SUGCT: variants seen among roughly 807,000 people sequenced by gnomAD.
SUGCT encodes the protein succinyl-CoA:glutarate-CoA transferase.
SUGCT carries 41 observed loss-of-function variants against 55.0 expected under a neutral mutation model. The observed-to-expected ratio is 0.74, with a 90% CI of 0.58 to 0.97. The LOEUF is 0.97. Ranked by LOEUF, SUGCT falls within the 50% of genes least tolerant of loss-of-function variation. The pLI is 0.00. For synonymous variants in SUGCT, 187 were observed against 200.4 expected (o/e 0.93, Z 0.56); for missense variants, 568 against 547.8 (o/e 1.04, Z -0.37).
chr7:40,703,419 A>C (rs1785255238), intron 12 of SUGCT, among the ~76,000 whole-genome samples: 1 of 152,060 alleles, frequency 6.6e-6, no homozygotes. Context: ...TCCCCACAGA[A>C]TGTGATTCTT....
At chr7:40,293,863 G>A (rs574189185) in intron 8 of SUGCT, among the ~76,000 whole-genome samples, 10 of 152,210 alleles carry the variant, frequency 6.6e-5, no homozygotes, top group African/African-American at 2.4e-4. Flanking sequence ...GCTTGTCTGG[G>A]GGATAGTTCT....
At chr7:40,275,828 A>G (rs1426316126) in intron 8 of SUGCT, among the ~76,000 whole-genome samples, 1 of 152,208 alleles carries the variant, frequency 6.6e-6, no homozygotes, top group Non-Finnish European at 1.5e-5. Flanking sequence ...CTCACTGTCA[A>G]AATGACATTT....
rs376429175 is a variant in SUGCT at position 40,194,120 on chromosome 7, G to C, written c.364-820G>C. ...AGCCTGAAGAAAAAAAACTCCAGTG[G>C]TTCTTAAATACATTTAAAACTCTTT... On this transcript the variant is annotated intron_variant, in intron 5 of 13. Coordinates refer to ENST00000335693, the MANE Select transcript of SUGCT (RefSeq NM_001193313.2). Among the ~76,000 whole-genome samples, 7 of 152,232 alleles carry C rather than the reference G, an allele frequency of 4.6e-5. 1 individual carries two copies. The East Asian group carries it at 1.3e-3, about 29-fold the overall frequency.
At chr7:40,458,873 G>T (rs1203517678) in intron 10 of SUGCT, among the ~76,000 whole-genome samples, 1 of 152,074 alleles carries the variant, frequency 6.6e-6, no homozygotes, top group Non-Finnish European at 1.5e-5. Context: ...CTATATGTAA[G>T]AATATTTGCT....
the SUGCT span, among the ~76,000 whole-genome samples, chr7:40,873,275 G>T: frequency 2.6e-4 from 39 of 152,264 alleles, no homozygotes; most frequent in African/African-American, 9.4e-4. Context: ...GTATTTTAAA[G>T]AATTGAATGG....
At chr7:40,662,874 T>C (rs1801402739) in intron 12 of SUGCT, among the ~76,000 whole-genome samples, 2 of 152,238 alleles carry the variant, frequency 1.3e-5, no homozygotes, top group African/African-American at 4.8e-5. Context: ...CAAATCCTTT[T>C]TCGTTTGCTT....
At chr7:40,800,207 A>T (rs560718931) in intron 13 of SUGCT, among the ~76,000 whole-genome samples, 1 of 150,472 alleles carries the variant, frequency 6.6e-6, no homozygotes, top group South Asian at 2.1e-4. Flanking sequence ...CATGCCTTGG[A>T]TGATGGGTGT....
At chr7:40,840,473 C>T (rs1279982827) in intron 13 of SUGCT, among the ~76,000 whole-genome samples, 1 of 124,940 alleles carries the variant, frequency 8.0e-6, no homozygotes, top group Non-Finnish European at 1.7e-5. Flanking sequence ...GAGGAAGACT[C>T]AAAAAAAAAA....
chr7:40,432,768 A>G (rs951006477), intron 9 of SUGCT, among the ~76,000 whole-genome samples: 5 of 150,462 alleles, frequency 3.3e-5, no homozygotes. Flanking sequence ...AATGTATTGC[A>G]GTGTAGATTT....
rs17171726 is a variant in SUGCT at position 40,542,848 on chromosome 7, A to G, written c.1089+46462A>G. On this transcript the variant is annotated intron_variant, in intron 12 of 13. Coordinates refer to ENST00000335693, the MANE Select transcript of SUGCT (RefSeq NM_001193313.2). ...CGATATAGTTAAACTCCGAGCTTCT[A>G]TGTAGTTAAACATGGGGGAAATGGC... 6.0e-4 allele frequency among the ~76,000 whole-genome samples: 91 copies of G among 152,298 alleles called. 1 individual carries two copies. In the East Asian group the frequency reaches 0.016, roughly 26 times the overall value.
At chr7:40,474,255 C>T (rs1790544056) in intron 11 of SUGCT, among the ~76,000 whole-genome samples, 1 of 151,988 alleles carries the variant, frequency 6.6e-6, no homozygotes, top group African/African-American at 2.4e-5. Flanking sequence ...AATCTGGGGT[C>T]TTGGGTACCA....
At chr7:40,450,556 C>T (rs1051517006) in intron 10 of SUGCT, among the ~76,000 whole-genome samples, 1 of 151,954 alleles carries the variant, frequency 6.6e-6, no homozygotes, top group Non-Finnish European at 1.5e-5. Flanking sequence ...GGGCAGATTG[C>T]CTGAGCTCAG....
chr7:40,597,721 T>C (rs1798085912), intron 12 of SUGCT, among the ~76,000 whole-genome samples: 1 of 152,166 alleles, frequency 6.6e-6, no homozygotes. Context: ...CAGTGGCTTC[T>C]TTGTCAGCCT....
intron 10 of SUGCT, among the ~76,000 whole-genome samples, chr7:40,454,110 A>T (rs1789338821): frequency 6.6e-6 from 1 of 152,192 alleles, no homozygotes; most frequent in African/African-American, 2.4e-5. Context: ...TCTGAAGAAG[A>T]GAGAGAACAA....
At chr7:40,729,967 AAC>A (rs985246103) in intron 12 of SUGCT, among the ~76,000 whole-genome samples, 1 of 152,158 alleles carries the variant, frequency 6.6e-6, no homozygotes, top group Non-Finnish European at 1.5e-5. Context: ...ATGATTATAA[AAC>A]ACTGTGCAAG....
intron 12 of SUGCT, among the ~76,000 whole-genome samples, chr7:40,662,919 C>G (rs561931398): frequency 6.6e-6 from 1 of 152,220 alleles, no homozygotes; most frequent in African/African-American, 2.4e-5. Flanking sequence ...ACGGAGCTTC[C>G]CTCAGAGTGG....
chr7:40,946,627 T>G, the SUGCT span, among the ~76,000 whole-genome samples: 1 of 152,242 alleles, frequency 6.6e-6, no homozygotes, highest in Non-Finnish European at 1.5e-5. Flanking sequence ...AGGGCAGGTT[T>G]GCTAGTGACA....
intron 13 of SUGCT, among the ~76,000 whole-genome samples, chr7:40,821,742 G>A (rs1389127575): frequency 2.0e-5 from 3 of 151,976 alleles, no homozygotes; most frequent in African/African-American, 7.3e-5. Flanking sequence ...TTTTTTTGAA[G>A]GGTTTTTTGT....
intron 13 of SUGCT, among the ~76,000 whole-genome samples, chr7:40,789,407 G>A (rs1406958816): frequency 6.6e-6 from 1 of 152,128 alleles, no homozygotes; most frequent in South Asian, 2.1e-4. Context: ...ATGTCTTAAA[G>A]GTTCATCCAT....
Sources: allele counts gnomAD v4.1 joint callset (sites outside exome capture counted in the v4.1 genomes callset), GRCh38; gene constraint gnomAD v4.1.1; transcripts MANE v1.5; gene names NCBI Gene and HGNC (gene_info 2026-07-23, HGNC 2026-07-21).